OPCML: variants seen among roughly 807,000 people sequenced by gnomAD.
OPCML encodes the protein opioid binding protein/cell adhesion molecule like, also known as opioid-binding protein/cell adhesion molecule.
Under a neutral mutation model 37.8 loss-of-function variants are expected in OPCML, and 13 were observed. The observed-to-expected ratio is 0.34, with a 90% CI of 0.22 to 0.55. The LOEUF is 0.55. OPCML is among the 20% of genes least tolerant of loss of function. OPCML has a pLI of 0.91. For missense variants in OPCML, 341 were observed against 435.6 expected (o/e 0.78, Z 1.93); for synonymous variants, 176 against 168.8 (o/e 1.04, Z -0.33).
chr11:133,134,027 T>C (rs1161776280), intron 1 of OPCML, among the ~76,000 whole-genome samples: 1 of 152,164 alleles, frequency 6.6e-6, no homozygotes, highest in Non-Finnish European at 1.5e-5. Context: ...TCCTTTCAGC[T>C]GCCTTTGATA....
chr11:132,525,550 T>C (rs1325681129), intron 4 of OPCML, among the ~76,000 whole-genome samples: 3 of 152,212 alleles, frequency 2.0e-5, no homozygotes, highest in Non-Finnish European at 4.4e-5. Flanking sequence ...AAATGCTGTT[T>C]GATGTTCAAG....
chr11:132,843,563 T>C (rs1506878), intron 2 of OPCML, among the ~76,000 whole-genome samples: 93,296 of 151,142 alleles, frequency 0.62, 29,456 homozygotes, highest in Non-Finnish European at 0.68. Flanking sequence ...TGTATGTGAG[T>C]GCATGTAAAA....
rs570827885 is a variant in OPCML, at chr11:133,064,884, T to C, written c.62-121874A>G. On this transcript the variant is annotated intron_variant, in intron 1 of 7. Transcript: ENST00000524381. ...AAAGGTCCCTGACACGGAGCTTACG[T>C]TGCGTCCACCAGGTAGACAGGACAC... is the stretch of plus-strand genomic sequence containing the variant. 5.3e-5 allele frequency: 8 copies of C among 152,300 alleles called. No individual in the cohort carries two copies. In the East Asian group the frequency reaches 5.8e-4, roughly 11 times the overall value. The allele number at this position is 152,300 out of a possible 1,614,324, so 9.4% of individuals were successfully genotyped here.
At chr11:132,587,485 C>T (rs1383026704) in intron 3 of OPCML, among the ~76,000 whole-genome samples, 1 of 152,216 alleles carries the variant, frequency 6.6e-6, no homozygotes, top group South Asian at 2.1e-4. Flanking sequence ...CATTTACAAG[C>T]TGTCCATCAC....
At chr11:132,800,523 T>C (rs1938579877) in intron 2 of OPCML, among the ~76,000 whole-genome samples, 1 of 152,208 alleles carries the variant, frequency 6.6e-6, no homozygotes, top group South Asian at 2.1e-4. Context: ...CATTTCACCA[T>C]GAAGTATGAT....
chr11:133,469,281 C>T (rs80123947), intron 1 of OPCML, among the ~76,000 whole-genome samples: 2,412 of 152,162 alleles, frequency 0.016, 70 homozygotes, highest in African/African-American at 0.055. Flanking sequence ...TTTACTGAAC[C>T]TTTTCTATGT....
At chr11:133,042,958 C>T (rs905674126) in intron 1 of OPCML, among the ~76,000 whole-genome samples, 7 of 152,064 alleles carry the variant, frequency 4.6e-5, no homozygotes, top group African/African-American at 9.7e-5. Context: ...GGGTCTCTCA[C>T]GTACAGTTCC....
chr11:132,893,427 C>T (rs1437157960), intron 2 of OPCML, among the ~76,000 whole-genome samples: 1 of 152,206 alleles, frequency 6.6e-6, no homozygotes, highest in Non-Finnish European at 1.5e-5. Flanking sequence ...TCAGCTAGCC[C>T]ATCACCTGTG....
intron 4 of OPCML, among the ~76,000 whole-genome samples, chr11:132,471,726 T>C (rs564158066): frequency 2.0e-5 from 3 of 152,312 alleles, no homozygotes; most frequent in East Asian, 3.9e-4. Context: ...TTCATGACCA[T>C]CTTGGAGGCT....
intron 1 of OPCML, among the ~76,000 whole-genome samples, chr11:133,401,535 C>A (rs1309444702): frequency 6.6e-6 from 1 of 152,040 alleles, no homozygotes; most frequent in Admixed American, 6.6e-5. Flanking sequence ...AGAGCTGGGT[C>A]TCATACCACA....
chr11:133,001,911 C>G (rs955155406), intron 1 of OPCML, among the ~76,000 whole-genome samples: 1 of 152,172 alleles, frequency 6.6e-6, no homozygotes, highest in Non-Finnish European at 1.5e-5. Context: ...CAGTACAGAG[C>G]AGCTATTGCC....
intron 2 of OPCML, among the ~76,000 whole-genome samples, chr11:132,695,272 C>T (rs572233335): frequency 1.3e-5 from 2 of 152,232 alleles, no homozygotes; most frequent in African/African-American, 2.4e-5. Context: ...GTAAATGTTC[C>T]TGAAATACGA....
rs1937902089 is a variant in OPCML at position 133,182,880 on chromosome 11, T to A, written c.62-239870A>T. On this transcript the variant is annotated intron_variant, in intron 1 of 7. Transcript: ENST00000524381. Reference sequence around the variant, plus strand: ...CCTGTTCTCTCAAAGAACAAAGTCATTCTTCCTGGAACACCACGAAGGCGC... The same window carrying A: ...CCTGTTCTCTCAAAGAACAAAGTCAATCTTCCTGGAACACCACGAAGGCGC... Among the ~76,000 whole-genome samples the A allele has an allele frequency of 2.6e-5, 4 of 152,140 alleles. 1 individual carries two copies. In the South Asian group the frequency reaches 8.3e-4, roughly 31 times the overall value.
intron 2 of OPCML, among the ~76,000 whole-genome samples, chr11:132,815,981 C>G (rs1254051065): frequency 6.6e-6 from 1 of 152,196 alleles, no homozygotes; most frequent in Non-Finnish European, 1.5e-5. Context: ...GCAGTTCACA[C>G]TTATTGGCCT....
chr11:133,414,019 T>C (rs74810336), intron 1 of OPCML, among the ~76,000 whole-genome samples: 2,438 of 152,244 alleles, frequency 0.016, 54 homozygotes, highest in African/African-American at 0.055. Context: ...TCCATATGTG[T>C]GTGTGCTTAG....
At chr11:132,738,929 C>A (rs1364508886) in intron 2 of OPCML, among the ~76,000 whole-genome samples, 2 of 152,032 alleles carry the variant, frequency 1.3e-5, no homozygotes, top group Non-Finnish European at 2.9e-5. Context: ...AAATATGCCA[C>A]GTGGCATAGA....
At chr11:132,484,197 C>A (rs1189003909) in intron 4 of OPCML, among the ~76,000 whole-genome samples, 1 of 151,982 alleles carries the variant, frequency 6.6e-6, no homozygotes, top group Non-Finnish European at 1.5e-5. Flanking sequence ...CCAGAATCTA[C>A]AATGAACTCC....
intron 2 of OPCML, among the ~76,000 whole-genome samples, chr11:132,710,117 G>A (rs1054755539): frequency 5.9e-5 from 9 of 152,170 alleles, no homozygotes; most frequent in Non-Finnish European, 1.2e-4. Flanking sequence ...CATATGTGGA[G>A]CTTCTGAAAA....
chr11:132,688,086 C>T (rs1943241049), intron 2 of OPCML, among the ~76,000 whole-genome samples: 1 of 152,018 alleles, frequency 6.6e-6, no homozygotes, highest in East Asian at 1.9e-4. Context: ...GGGACATTTG[C>T]TAGGATTCCT....
Sources: gnomAD v4.1 joint callset for allele counts (sites outside exome capture counted in the v4.1 genomes callset) on GRCh38, gnomAD v4.1.1 for gene constraint, MANE v1.5 for transcripts, NCBI Gene and HGNC (gene_info 2026-07-23, HGNC 2026-07-21) for gene names.